Variants in AGFG1 observed in about 807,000 individuals in gnomAD.
The protein encoded by AGFG1 is arf-GAP domain and FG repeat-containing protein 1.
A neutral mutation model predicts 60.6 loss-of-function variants in AGFG1; 10 were observed. That is an observed-to-expected ratio of 0.16 (90% confidence interval 0.10 to 0.28). The LOEUF is 0.28. AGFG1 is among the 10% of genes least tolerant of loss of function. The pLI is 1.00. For missense variants in AGFG1, 537 were observed against 676.5 expected (o/e 0.79, Z 2.29); for synonymous variants, 247 against 242.9 (o/e 1.02, Z -0.16).
chr2:227,534,840 C>G lies in AGFG1; in HGVS notation c.1025-5C>G. 6.2e-7 allele frequency: 1 copy of G among 1,610,834 alleles called. No individual in the cohort carries two copies. The highest frequency in any genetic ancestry group is 8.5e-7 in the Non-Finnish European group (1 of 1,178,422). ...TTGGTGTAACTTGATTTTGTTCGTT[C>G]CCAGGTGGTGATCAGGGAAGTGGCT... On this transcript the variant is annotated splice_region_variant and splice_polypyrimidine_tract_variant and intron_variant, in intron 7 of 12. Coordinates refer to ENST00000310078, the MANE Select transcript of AGFG1 (RefSeq NM_004504.5).
chr2:227,532,569 T>A (rs953883060), intron 6 of AGFG1, among the ~76,000 whole-genome samples: 26 of 152,140 alleles, frequency 1.7e-4, no homozygotes, highest in South Asian at 4.2e-4. Flanking sequence ...CAGTGTATAT[T>A]TTTTTTAGAA....
intron 2 of AGFG1, among the ~76,000 whole-genome samples, chr2:227,495,765 G>T (rs1000757263): frequency 4.6e-5 from 7 of 151,932 alleles, no homozygotes; most frequent in Admixed American, 1.3e-4. Flanking sequence ...ATGTTTTCTA[G>T]TTGTAAGTTA....
intron 2 of AGFG1, among the ~76,000 whole-genome samples, chr2:227,515,602 A>G (rs1205183041): frequency 1.3e-5 from 2 of 152,012 alleles, no homozygotes; most frequent in Non-Finnish European, 2.9e-5. Context: ...AACTTCTGTC[A>G]TATTCTGCTT....
chr2:227,497,735 G>GTTTTTTTTTTTTTTT lies in AGFG1; in HGVS notation c.261+6107_261+6121dup, dbSNP rs869114764. Among the ~76,000 whole-genome samples, 12 of 28,016 alleles carry GTTTTTTTTTTTTTTT rather than the reference G, an allele frequency of 4.3e-4. 4 individuals are homozygous for GTTTTTTTTTTTTTTT. Among genetic ancestry groups the GTTTTTTTTTTTTTTT allele is most frequent in the African/African-American group, 3.8e-4 (3 of 7,900 alleles). The allele number at this position is 28,016 out of a possible 152,430, so 18.4% of individuals were successfully genotyped here. A position where few individuals can be genotyped will look rare whatever the true frequency, so the allele number is the denominator to read the frequency against. ...GCCAAATGAGTTTCTTTCTTGTTTT[G>GTTTTTTTTTTTTTTT]TTTTTTTTTTTTTTTTTTTTTTTTT... On this transcript the variant is annotated intron_variant, in intron 2 of 12. Coordinates refer to ENST00000310078, the MANE Select transcript of AGFG1 (RefSeq NM_004504.5).
rs551361577 is a variant in AGFG1 at position 227,472,366 on chromosome 2, G to A, written c.-56G>A. 99 of 1,071,890 alleles carry A rather than the reference G, an allele frequency of 9.2e-5. 1 individual carries two copies. The South Asian group carries it at 2.3e-3, about 25-fold the overall frequency. 66.4% of individuals were successfully genotyped at this position (1,071,890 alleles called of 1,614,324 possible). A position where few individuals can be genotyped will look rare whatever the true frequency, so the allele number is the denominator to read the frequency against. ...GCGGCCCGTGGGACCGCGGGCCCCC[G>A]GCGCAGCGCTGCCCGGCTCCCGGCC... On this transcript the variant is annotated 5_prime_UTR_variant, in exon 1 of 13. Coordinates refer to ENST00000310078, the MANE Select transcript of AGFG1 (RefSeq NM_004504.5).
chr2:227,535,659 T>A (rs537798299), intron 8 of AGFG1, among the ~76,000 whole-genome samples: 17 of 152,320 alleles, frequency 1.1e-4, no homozygotes, highest in Admixed American at 9.8e-4. Context: ...TAACAATGTT[T>A]TATTCATCTC....
intron 2 of AGFG1, among the ~76,000 whole-genome samples, chr2:227,497,221 G>A (rs2106176709): frequency 6.8e-6 from 1 of 146,556 alleles, no homozygotes; most frequent in Admixed American, 7.1e-5. Context: ...TTAGATTAAG[G>A]CAGTATAAAA....
chr2:227,528,452 CT>C (rs942591479), intron 5 of AGFG1, among the ~76,000 whole-genome samples: 35 of 152,000 alleles, frequency 2.3e-4, no homozygotes, highest in Non-Finnish European at 4.1e-4. Context: ...GATTTCCCCC[CT>C]GACCAGATAA....
chr2:227,524,985 C>T (rs1691948206), intron 5 of AGFG1, 70 bp downstream of exon 5: 3 of 1,560,084 alleles, frequency 1.9e-6, no homozygotes, highest in Non-Finnish European at 2.6e-6. Context: ...AATTCTTTAT[C>T]ACACTTTGAG....
intron 1 of AGFG1, among the ~76,000 whole-genome samples, chr2:227,482,512 A>G (rs1039133196): frequency 6.6e-6 from 1 of 152,204 alleles, no homozygotes; most frequent in Admixed American, 6.5e-5. Context: ...TATGAAACAT[A>G]TGTAATATTT....
chr2:227,524,655 C>T, intron 4 of AGFG1, 107 bp from the exon 5 acceptor site: 1 of 1,161,120 alleles, frequency 8.6e-7, no homozygotes, highest in Non-Finnish European at 1.2e-6. Context: ...ACTCAGCATA[C>T]TGTAACTCTT....
At chr2:227,528,042 A>G (rs1692049028) in intron 5 of AGFG1, among the ~76,000 whole-genome samples, 1 of 152,154 alleles carries the variant, frequency 6.6e-6, no homozygotes, top group South Asian at 2.1e-4. Context: ...TAATGATAAT[A>G]TGAAGTATAT....
intron 2 of AGFG1, among the ~76,000 whole-genome samples, chr2:227,498,807 A>G (rs1691059936): frequency 6.6e-6 from 1 of 152,200 alleles, no homozygotes; most frequent in African/African-American, 2.4e-5. Flanking sequence ...TTTTTACATT[A>G]CATATTCCAG....
Position 227,534,914 on chromosome 2 carries a change from G to A in AGFG1, c.1094G>A (p.Ser365Asn). The A allele has an allele frequency of 6.2e-7, 1 of 1,613,882 alleles. No individual in the cohort carries two copies. Among genetic ancestry groups the A allele is most frequent in the Admixed American group, 1.7e-5 (1 of 59,984 alleles). ...GTTGGTTCTGTGGTTTCAGTTCCCA[G>A]TCAGTCAAGTGCATCTTCAGACAAG... ...APVGSVVSVPSQSSASSDKYA... is the reference protein window; with the variant it reads ...APVGSVVSVPNQSSASSDKYA... The change falls in exon 8 of 13, where the codon AGT (serine) becomes AAT (asparagine). Residue 365 changes from serine to asparagine, a missense_variant. Transcript: ENST00000310078.
intron 1 of AGFG1, among the ~76,000 whole-genome samples, chr2:227,482,490 A>G (rs1241614112): frequency 6.6e-6 from 1 of 152,228 alleles, no homozygotes; most frequent in Admixed American, 6.5e-5. Context: ...TTTTAAATGT[A>G]TAATTTTATG....
chr2:227,529,787 A>G (rs1051837182), intron 5 of AGFG1, among the ~76,000 whole-genome samples: 1 of 152,008 alleles, frequency 6.6e-6, no homozygotes, highest in Non-Finnish European at 1.5e-5. Flanking sequence ...GAGTAGTATA[A>G]TGTTGTGTTT....
chr2:227,534,647 T>C (rs980152229), intron 7 of AGFG1, among the ~76,000 whole-genome samples, 198 bp from the exon 8 acceptor site: 3 of 152,216 alleles, frequency 2.0e-5, no homozygotes, highest in Non-Finnish European at 4.4e-5. Flanking sequence ...AAGAGACATA[T>C]TCTGTCTTTA....
Position 227,500,455 on chromosome 2 carries a change from TTTGGCTATCTGCTACA to T in AGFG1, c.261+8819_261+8834del, listed in dbSNP as rs370047712. 1.4e-4 allele frequency among the ~76,000 whole-genome samples: 22 copies of T among 152,278 alleles called. 1 individual carries two copies. The highest frequency in any genetic ancestry group is 4.6e-4 in the African/African-American group (19 of 41,560). ...GCTTGTCTGCCTGCAGGGAGCCTGG[TTTGGCTATCTGCTACA>T]TTGTCTCTCAGAACCTGCTGTCCTA... On this transcript the variant is annotated intron_variant, in intron 2 of 12. Transcript: ENST00000310078.
intron 2 of AGFG1, among the ~76,000 whole-genome samples, chr2:227,492,038 G>A (rs1158299084): frequency 1.3e-5 from 2 of 151,990 alleles, no homozygotes; most frequent in Non-Finnish European, 2.9e-5. Context: ...TCTATTTTTC[G>A]TAAATTTTTA....
Sources: gnomAD v4.1 joint callset for allele counts (sites outside exome capture counted in the v4.1 genomes callset) on GRCh38, gnomAD v4.1.1 for gene constraint, MANE v1.5 for transcripts, NCBI Gene and HGNC (gene_info 2026-07-23, HGNC 2026-07-21) for gene names.